Variants in EFEMP1 observed in about 807,000 individuals in gnomAD.
The protein encoded by EFEMP1 is EGF-containing fibulin-like extracellular matrix protein 1.
A neutral mutation model predicts 65.7 loss-of-function variants in EFEMP1; 18 were observed. That is an observed-to-expected ratio of 0.27 (90% CI 0.19 to 0.41). EFEMP1 has a LOEUF of 0.41. EFEMP1 is among the 10% of genes least tolerant of loss of function. The pLI is 1.00. For synonymous variants in EFEMP1, 237 were observed against 219.7 expected, an observed-to-expected ratio of 1.08 and a Z score of -0.70; for missense variants, 469 against 624.8, an observed-to-expected ratio of 0.75 and a Z score of 2.66.
In EFEMP1 at chr2:55,866,314, T is replaced by C. The variant is rs1272800488; in HGVS notation, c.*759A>G. 2 of 152,188 alleles carry C rather than the reference T, an allele frequency of 1.3e-5. No individual in the cohort carries two copies. Among genetic ancestry groups the C allele is most frequent in the African/African-American group, 4.8e-5 (2 of 41,450 alleles). The allele number at this position is 152,188 out of a possible 1,614,324, so 9.4% of individuals were successfully genotyped here. ...GGGATGTTATTATATTTTCCGAGTT[T>C]GCTTCTTCAGGTCAGTTCCAATGTG... On this transcript the variant is annotated 3_prime_UTR_variant, in exon 12 of 12. Coordinates refer to ENST00000355426, the MANE Select transcript of EFEMP1 (RefSeq NM_001039348.3).
Position 55,873,360 on chromosome 2 carries a change from C to T in EFEMP1, c.1000+1586G>A, listed in dbSNP as rs1339095010. Reference sequence around the variant, plus strand: ...CAATATATAACATTTAGGAATCCCCCACTTACAATTTTGGTGCATTTTCCA... The same window carrying T: ...CAATATATAACATTTAGGAATCCCCTACTTACAATTTTGGTGCATTTTCCA... On this transcript the variant is annotated intron_variant, in intron 9 of 11. Transcript: ENST00000355426. The surrounding 1 kb of genome is among the most constrained non-coding windows in gnomAD (Gnocchi z 4.6). Among the ~76,000 whole-genome samples, 1 of 151,988 alleles carries T rather than the reference C, an allele frequency of 6.6e-6. No homozygotes were observed. The highest frequency in any genetic ancestry group is 1.5e-5 in the Non-Finnish European group (1 of 67,944).
At chr2:55,902,880 A>G (rs994359638) in intron 5 of EFEMP1, among the ~76,000 whole-genome samples, 1 of 152,238 alleles carries the variant, frequency 6.6e-6, no homozygotes, top group African/African-American at 2.4e-5. Context: ...TGCCAGGCAT[A>G]TATCAATCAA....
intron 9 of EFEMP1, 91 bp downstream of exon 9, chr2:55,874,855 A>T: frequency 1.5e-6 from 2 of 1,369,686 alleles, no homozygotes; most frequent in South Asian, 2.8e-5. Flanking sequence ...AGTGGGAAAA[A>T]TGAAAGTCTA....
chr2:55,912,736 G>A (rs985492101), intron 5 of EFEMP1, among the ~76,000 whole-genome samples: 10 of 152,126 alleles, frequency 6.6e-5, no homozygotes, highest in Admixed American at 6.5e-4. Context: ...ATGTAATAAT[G>A]ACAAAATAAA....
Position 55,875,333 on chromosome 2 carries a change from T to TACACACACACACACAC in EFEMP1, c.881-269_881-268insGTGTGTGTGTGTGTGT, listed in dbSNP as rs1340819904. 2.1e-3 allele frequency among the ~76,000 whole-genome samples: 262 copies of TACACACACACACACAC among 126,900 alleles called. No homozygotes were observed. The South Asian group carries it at 0.023, about 11-fold the overall frequency. The allele number at this position is 126,900 out of a possible 152,430, so 83.3% of individuals were successfully genotyped here. ...TTTCTTAAGTTGCCTGGGTTTCATATATACACACACACACACACACACACA... is the reference window on the plus strand; with the variant it reads ...TTTCTTAAGTTGCCTGGGTTTCATATACACACACACACACACATACACACACACACACACACACACA... On this transcript the variant is annotated intron_variant, in intron 8 of 11. Transcript: ENST00000355426.
In EFEMP1 at chr2:55,886,330, G is replaced by T. The variant is rs1308820221; in HGVS notation, c.518-4596C>A. Among the ~76,000 whole-genome samples the T allele has an allele frequency of 6.6e-6, 1 of 152,038 alleles. No homozygotes were observed. Among genetic ancestry groups the T allele is most frequent in the East Asian group, 1.9e-4 (1 of 5,192 alleles). On this transcript the variant is annotated intron_variant, in intron 5 of 11. Coordinates refer to ENST00000355426, the MANE Select transcript of EFEMP1 (RefSeq NM_001039348.3). This position sits in a 1 kb window ranked among gnomAD's most constrained non-coding sequence, Gnocchi z 4.0. ...TTTTGTTTCCAGACTGTAAACCCCT[G>T]GAGTAAAATAACCGTATCTTTACTA...
In EFEMP1 at chr2:55,917,025, G is replaced by A. The variant is rs940712169; in HGVS notation, c.517+640C>T. ...ATGAGAGCTTAAAAGAGATATAAAC[G>A]TGAGTGGGGGAGAATCCCTCCAAGG... On this transcript the variant is annotated intron_variant, in intron 5 of 11. Coordinates refer to ENST00000355426, the MANE Select transcript of EFEMP1 (RefSeq NM_001039348.3). This position sits in a 1 kb window ranked among gnomAD's most constrained non-coding sequence, Gnocchi z 6.3. 1.2e-4 allele frequency among the ~76,000 whole-genome samples: 19 copies of A among 152,182 alleles called. No individual in the cohort carries two copies. Among genetic ancestry groups the A allele is most frequent in the Admixed American group, 5.2e-4 (8 of 15,282 alleles).
intron 11 of EFEMP1, among the ~76,000 whole-genome samples, chr2:55,869,550 AAAT>A (rs1318772174): frequency 6.6e-6 from 1 of 152,188 alleles, no homozygotes; most frequent in African/African-American, 2.4e-5. Flanking sequence ...ACTGGCAAAG[AAAT>A]AATATCACAT....
intron 5 of EFEMP1, among the ~76,000 whole-genome samples, chr2:55,908,813 T>C (rs1372652145): frequency 6.6e-6 from 1 of 152,208 alleles, no homozygotes; most frequent in African/African-American, 2.4e-5. Flanking sequence ...GTATTTTCAT[T>C]ATTCACCATG....
At chr2:55,914,408 C>A (rs1445956411) in intron 5 of EFEMP1, among the ~76,000 whole-genome samples, 1 of 152,092 alleles carries the variant, frequency 6.6e-6, no homozygotes, top group Non-Finnish European at 1.5e-5. Context: ...CCCAAAAATA[C>A]ATGAAGGGGA....
In EFEMP1 at chr2:55,885,151, C is replaced by A. The variant is rs545545427; in HGVS notation, c.518-3417G>T. Among the ~76,000 whole-genome samples the A allele has an allele frequency of 6.6e-6, 1 of 152,132 alleles. No individual in the cohort carries two copies. The highest frequency in any genetic ancestry group is 2.1e-4 in the South Asian group (1 of 4,824). ...GAGGCTATGAGGTATAAAGCAGATT[C>A]GCCAGAAGAGGTGGGTTCTCCACTG... On this transcript the variant is annotated intron_variant, in intron 5 of 11. Coordinates refer to ENST00000355426, the MANE Select transcript of EFEMP1 (RefSeq NM_001039348.3). The surrounding 1 kb of genome is among the most constrained non-coding windows in gnomAD (Gnocchi z 4.3).
intron 5 of EFEMP1, among the ~76,000 whole-genome samples, chr2:55,916,712 C>G (rs1670703210): frequency 1.3e-5 from 2 of 152,170 alleles, no homozygotes. Flanking sequence ...CAGCCTCTGG[C>G]AGGGAGAAAG....
At chr2:55,872,609 C>G (rs181025471) in intron 9 of EFEMP1, among the ~76,000 whole-genome samples, 2 of 152,144 alleles carry the variant, frequency 1.3e-5, no homozygotes, top group African/African-American at 2.4e-5. Context: ...TTCATATACT[C>G]TAAATAATTC....
rs111813118 is a variant in EFEMP1 at position 55,876,840 on chromosome 2, C to T, written c.761-98G>A. On this transcript the variant is annotated intron_variant, in intron 7 of 11. Transcript: ENST00000355426. ...ACATATCCTTACTCTTTTGTACCTA[C>T]GTCATCTGCTGACAAGTGAGTAATT... is the stretch of plus-strand genomic sequence containing the variant. 4.6e-4 allele frequency: 314 copies of T among 675,928 alleles called. 2 individuals are homozygous for T. The Middle Eastern group carries it at 0.011, about 23-fold the overall frequency. The allele number at this position is 675,928 out of a possible 1,614,324, so 41.9% of individuals were successfully genotyped here.
At chr2:55,890,475 T>A (rs918910030) in intron 5 of EFEMP1, among the ~76,000 whole-genome samples, 2 of 152,098 alleles carry the variant, frequency 1.3e-5, no homozygotes, top group Non-Finnish European at 2.9e-5. Context: ...CTAATTGACA[T>A]GTATAGAGCA....
chr2:55,867,375 G>T lies in EFEMP1; in HGVS notation c.1321-141C>A. 1 of 852,330 alleles carries T rather than the reference G, an allele frequency of 1.2e-6. No homozygotes were observed. Among genetic ancestry groups the T allele is most frequent in the South Asian group, 1.7e-5 (1 of 57,714 alleles). 52.8% of individuals were successfully genotyped at this position (852,330 alleles called of 1,614,324 possible). On this transcript the variant is annotated intron_variant, in intron 11 of 11. Coordinates refer to ENST00000355426, the MANE Select transcript of EFEMP1 (RefSeq NM_001039348.3). The surrounding 1 kb of genome is among the most constrained non-coding windows in gnomAD (Gnocchi z 4.3). ...AAGAGCCACTACTTGGTCCCTTCTT[G>T]GTTTCAACTCTTCTTGGCTCTTATC...
chr2:55,918,205 T>G lies in EFEMP1; in HGVS notation c.130+14A>C. ...AAGGCAATGATCACATGGAAGTCTT[T>G]GAAGCTGGCTCACCTTTGCATTGCT... On this transcript the variant is annotated intron_variant, in intron 4 of 11. Transcript: ENST00000355426. The G allele has an allele frequency of 6.2e-7, 1 of 1,614,178 alleles. No homozygotes were observed. The highest frequency in any genetic ancestry group is 1.1e-5 in the South Asian group (1 of 91,080).
chr2:55,892,533 A>ATAGGATTAAATGGCACTGT (rs1553353372), intron 5 of EFEMP1, among the ~76,000 whole-genome samples: 2 of 151,750 alleles, frequency 1.3e-5, no homozygotes, highest in African/African-American at 4.9e-5. Context: ...ATCTTTCTGG[A>ATAGGATTAAATGGCACTGT]TAGGATTAAA....
At position 55,866,992 on chromosome 2, in the gene EFEMP1, A is replaced by G; in HGVS notation, c.*81T>C. 6.5e-7 allele frequency: 1 copy of G among 1,539,738 alleles called. No homozygotes were observed. The highest frequency in any genetic ancestry group is 9.0e-7 in the Non-Finnish European group (1 of 1,116,206). ...GTATAGAGATGTAGATGCACTAGAT[A>G]TATCTATAAATAAAATAGTGCTTTA... On this transcript the variant is annotated 3_prime_UTR_variant, in exon 12 of 12. Transcript: ENST00000355426.
Sources: gnomAD v4.1 joint callset for allele counts (sites outside exome capture counted in the v4.1 genomes callset) on GRCh38, gnomAD v4.1.1 for gene constraint, Gnocchi (gnomAD v3.1) non-coding constraint, MANE v1.5 for transcripts, NCBI Gene and HGNC (gene_info 2026-07-23, HGNC 2026-07-21) for gene names.